Variants in CSNK2A1 observed in about 807,000 individuals in gnomAD.
The protein encoded by CSNK2A1 is casein kinase 2 alpha 1.
CSNK2A1 carries 10 observed loss-of-function variants against 62.9 expected under a neutral mutation model. The ratio of observed to expected loss-of-function variants is 0.16; its 90% CI spans 0.10 to 0.27. The LOEUF is 0.27. Ranked by LOEUF, CSNK2A1 falls within the 10% of genes least tolerant of loss-of-function variation. The probability of loss-of-function intolerance (pLI) is 1.00; values close to 1 mark genes in which losing one functional copy is unlikely to be tolerated. For synonymous variants in CSNK2A1, 124 were observed against 167.8 expected (o/e 0.74, Z 2.02); for missense variants, 160 against 492.0 (o/e 0.33, Z 6.38).
chr20:486,312 C>A, intron 13 of CSNK2A1, 64 bp downstream of exon 13: 1 of 1,589,250 alleles, frequency 6.3e-7, no homozygotes, highest in Non-Finnish European at 8.6e-7. Context: ...GAAATCAGAC[C>A]ACAAAGCTAA....
In CSNK2A1 at chr20:489,764, G is replaced by T. The variant is rs765828714; in HGVS notation, c.723+16C>A. 1 of 1,605,242 alleles carries T rather than the reference G, an allele frequency of 6.2e-7. No individual in the cohort carries two copies. Among genetic ancestry groups the T allele is most frequent in the East Asian group, 2.2e-5 (1 of 44,814 alleles). ...ATTAGGCCAGTACATTTTTCAATGG[G>T]TATAACATATATTACCTGATCATAA... On this transcript the variant is annotated intron_variant, in intron 10 of 13. Coordinates refer to ENST00000217244, the MANE Select transcript of CSNK2A1 (RefSeq NM_177559.3).
chr20:492,495 C>T (rs1200214656), intron 8 of CSNK2A1, 131 bp from the exon 9 acceptor site: 2 of 783,474 alleles, frequency 2.6e-6, no homozygotes, highest in Admixed American at 2.9e-5. Context: ...CTACTTATAG[C>T]CTTTAGAATG....
intron 9 of CSNK2A1, among the ~76,000 whole-genome samples, chr20:491,174 G>C (rs952165656): frequency 6.6e-6 from 1 of 152,088 alleles, no homozygotes; most frequent in Non-Finnish European, 1.5e-5. Flanking sequence ...AACCTGGAAA[G>C]ACTGGGCATA....
chr20:510,173 C>CTT (rs1291875716), intron 2 of CSNK2A1: 96 of 137,190 alleles, frequency 7.0e-4, no homozygotes, highest in African/African-American at 2.4e-3. Flanking sequence ...TATACCTATT[C>CTT]TTTTTTTTTT....
chr20:519,872 CAT>C (rs999351775), intron 2 of CSNK2A1, among the ~76,000 whole-genome samples: 5 of 152,094 alleles, frequency 3.3e-5, no homozygotes, highest in African/African-American at 9.7e-5. Context: ...AGCTTTAAAA[CAT>C]AGAATACATA....
Position 478,670 on chromosome 20 carries a change from T to G in CSNK2A1, c.*5291A>C. ...TGGGCCAGGTGTGGTGGCTCATGCC[T>G]CTAATCTCAGCACTTTGGGAGGCCA... On this transcript the variant is annotated 3_prime_UTR_variant, in exon 14 of 14. Coordinates refer to ENST00000217244, the MANE Select transcript of CSNK2A1 (RefSeq NM_177559.3). 1 of 429,898 alleles carries G rather than the reference T, an allele frequency of 2.3e-6. No individual in the cohort carries two copies. The highest frequency in any genetic ancestry group is 1.6e-5 in the South Asian group (1 of 62,662). The allele number at this position is 429,898 out of a possible 1,614,324, so 26.6% of individuals were successfully genotyped here.
At chr20:484,182 A>T (rs2018017618) in intron 13 of CSNK2A1, 106 bp from the exon 14 acceptor site, 1 of 919,350 alleles carries the variant, frequency 1.1e-6, no homozygotes, top group South Asian at 2.3e-5. Flanking sequence ...TTTACTGAAG[A>T]CTTCCTCTTA....
intron 1 of CSNK2A1, among the ~76,000 whole-genome samples, chr20:532,275 C>T (rs2019228525): frequency 6.6e-6 from 1 of 152,046 alleles, no homozygotes; most frequent in African/African-American, 2.4e-5. Flanking sequence ...AGCGATTCCC[C>T]CGCCTCAGCC....
At chr20:505,566 G>T (rs1421266851) in intron 3 of CSNK2A1, among the ~76,000 whole-genome samples, 3 of 151,328 alleles carry the variant, frequency 2.0e-5, no homozygotes, top group Non-Finnish European at 4.4e-5. Context: ...TCCTCACCGT[G>T]TTAACCAGGA....
intron 2 of CSNK2A1, among the ~76,000 whole-genome samples, chr20:526,189 C>T (rs1014924300): frequency 2.0e-5 from 3 of 150,510 alleles, no homozygotes; most frequent in Non-Finnish European, 3.0e-5. Flanking sequence ...TAAAAATGCT[C>T]GTGCTGAGCC....
At chr20:498,039 G>A (rs866489934) in intron 6 of CSNK2A1, 4 of 353,606 alleles carry the variant, frequency 1.1e-5, no homozygotes, top group Non-Finnish European at 2.1e-5. Context: ...ATCTAGATAC[G>A]TTAATATGCA....
intron 1 of CSNK2A1, among the ~76,000 whole-genome samples, chr20:531,311 A>T (rs1199454066): frequency 6.6e-6 from 1 of 152,224 alleles, no homozygotes; most frequent in African/African-American, 2.4e-5. Context: ...ACTGTCCAAC[A>T]ACTGGCTCTT....
intron 1 of CSNK2A1, among the ~76,000 whole-genome samples, chr20:538,678 C>G (rs745678019): frequency 6.6e-6 from 1 of 152,144 alleles, no homozygotes; most frequent in Non-Finnish European, 1.5e-5. Context: ...AAAGATCTTA[C>G]AAGTTTGAGC....
intron 1 of CSNK2A1, among the ~76,000 whole-genome samples, chr20:531,805 T>C (rs1204477043): frequency 6.6e-6 from 1 of 152,206 alleles, no homozygotes; most frequent in Non-Finnish European, 1.5e-5. Context: ...GCTTGATGAA[T>C]GATTAACAAA....
chr20:499,122 C>A lies in CSNK2A1; in HGVS notation c.366+133G>T, dbSNP rs531516379. ...ACTGCTTATATAGGAGTTCTTCTAT[C>A]TTAAAATTTGCACTGTAAGGATGAA... On this transcript the variant is annotated intron_variant, in intron 6 of 13. Transcript: ENST00000217244. The surrounding 1 kb of genome is among the most constrained non-coding windows in gnomAD (Gnocchi z 4.2). The A allele has an allele frequency of 3.5e-5, 23 of 648,816 alleles. No individual in the cohort carries two copies. The South Asian group carries it at 9.4e-4, about 26-fold the overall frequency. The allele number at this position is 648,816 out of a possible 1,614,324, so 40.2% of individuals were successfully genotyped here. A position where few individuals can be genotyped will look rare whatever the true frequency, so the allele number is the denominator to read the frequency against.
At chr20:543,599 C>G (rs2019501243) in intron 1 of CSNK2A1, 73 bp downstream of exon 1, 1 of 397,078 alleles carries the variant, frequency 2.5e-6, no homozygotes, top group Non-Finnish European at 4.4e-6. Context: ...GCGTGAGGGT[C>G]GGCCGCGCTC....
In CSNK2A1 at chr20:499,236, A is replaced by G. The variant is rs980872215; in HGVS notation, c.366+19T>C. 4.4e-6 allele frequency: 7 copies of G among 1,582,290 alleles called. No individual in the cohort carries two copies. The Admixed American group carries it at 5.3e-5, about 12-fold the overall frequency. On this transcript the variant is annotated intron_variant, in intron 6 of 13. Transcript: ENST00000217244. The surrounding 1 kb of genome is among the most constrained non-coding windows in gnomAD (Gnocchi z 4.2). ...GTCTAAAAACCCACTAGCCCGAAAC[A>G]GTTGGTTATATATTATACCTTGAAG...
intron 2 of CSNK2A1, among the ~76,000 whole-genome samples, chr20:526,235 G>C (rs1269269110): frequency 6.6e-6 from 1 of 152,130 alleles, no homozygotes; most frequent in Non-Finnish European, 1.5e-5. Context: ...ACTTTGAAAG[G>C]CCAAGGCAAA....
chr20:537,963 C>CT (rs60811807), intron 1 of CSNK2A1, among the ~76,000 whole-genome samples: 12,814 of 141,308 alleles, frequency 0.091, 1,113 homozygotes, highest in African/African-American at 0.23. Context: ...CAGTTAACAT[C>CT]TTTTTTTTTT....
Sources: gnomAD v4.1 joint callset for allele counts (sites outside exome capture counted in the v4.1 genomes callset) on GRCh38, gnomAD v4.1.1 for gene constraint, Gnocchi (gnomAD v3.1) non-coding constraint, MANE v1.5 for transcripts, NCBI Gene and HGNC (gene_info 2026-07-23, HGNC 2026-07-21) for gene names.